The following EYS variants were observed in gnomAD, a reference collection of about 807,000 sequenced individuals.
The protein encoded by EYS is EGF-like photoreceptor maintenance factor, also known as protein eyes shut homolog.
Under a neutral mutation model 282.1 loss-of-function variants are expected in EYS, and 250 were observed. That is an observed-to-expected ratio of 0.89 (90% CI 0.80 to 0.98). EYS has a LOEUF of 0.98. Among genes scored for constraint, EYS ranks in the 50% least tolerant of loss-of-function variants. The pLI, the probability that EYS is intolerant of heterozygous loss-of-function variation, is 0.00. For synonymous variants in EYS, 1,355 were observed against 1,282.9 expected, an observed-to-expected ratio of 1.06 and a Z score of -1.20; for missense variants, 4,016 against 3,709.0, an observed-to-expected ratio of 1.08 and a Z score of -2.15.
At chr6:65,026,485 G>A (rs1772411521) in intron 13 of EYS, among the ~76,000 whole-genome samples, 1 of 152,190 alleles carries the variant, frequency 6.6e-6, no homozygotes, top group African/African-American at 2.4e-5. Flanking sequence ...AGGCATTTAT[G>A]CACAGATGAA....
At position 64,067,226 on chromosome 6, in the gene EYS, T is replaced by TTG. The variant is rs1156609059; in HGVS notation, c.6572-736_6572-735insCA. On this transcript the variant is annotated intron_variant, in intron 32 of 42. Transcript: ENST00000503581. ...CCCTGGAAGCCCATGGATCTCTCTTTTTAACTTTCCTAATTGAAGTATAAC... is the reference window on the plus strand; with the variant it reads ...CCCTGGAAGCCCATGGATCTCTCTTTTGTTAACTTTCCTAATTGAAGTATAAC... 3.3e-5 allele frequency among the ~76,000 whole-genome samples: 5 copies of TTG among 152,278 alleles called. No homozygotes were observed. The East Asian group carries it at 9.6e-4, about 29-fold the overall frequency.
intron 1 of EYS, among the ~76,000 whole-genome samples, chr6:65,706,811 A>C (rs912790698): frequency 5.9e-5 from 9 of 152,182 alleles, no homozygotes; most frequent in African/African-American, 1.9e-4. Context: ...TCAAAAATCG[A>C]AAGCAATCAT....
At chr6:65,223,211 C>CA (rs1562032300) in intron 12 of EYS, among the ~76,000 whole-genome samples, 1 of 151,892 alleles carries the variant, frequency 6.6e-6, no homozygotes, top group Non-Finnish European at 1.5e-5. Flanking sequence ...CTACTAAACA[C>CA]AAAAAATTAG....
intron 5 of EYS, among the ~76,000 whole-genome samples, chr6:65,474,197 T>C (rs1255159791): frequency 6.6e-6 from 1 of 152,050 alleles, no homozygotes; most frequent in Non-Finnish European, 1.5e-5. Context: ...TTGAATAATA[T>C]GTGTAAAGCA....
chr6:63,900,592 A>G (rs1340618923), intron 35 of EYS, among the ~76,000 whole-genome samples: 24 of 152,170 alleles, frequency 1.6e-4, no homozygotes, highest in Non-Finnish European at 1.5e-5. Context: ...GGTGTAGAGG[A>G]GATATCAGAG....
At chr6:64,424,855 A>C (rs1342303876) in intron 28 of EYS, among the ~76,000 whole-genome samples, 1 of 152,208 alleles carries the variant, frequency 6.6e-6, no homozygotes, top group Non-Finnish European at 1.5e-5. Flanking sequence ...ATATAAAATG[A>C]AAGTAGGTGC....
chr6:65,111,701 G>T (rs930829361), intron 12 of EYS, among the ~76,000 whole-genome samples: 3 of 152,014 alleles, frequency 2.0e-5, no homozygotes, highest in Non-Finnish European at 2.9e-5. Flanking sequence ...TACAAAAATA[G>T]CCAGGAGTGG....
intron 33 of EYS, among the ~76,000 whole-genome samples, chr6:64,037,598 G>A (rs934797652): frequency 1.3e-5 from 2 of 152,118 alleles, no homozygotes; most frequent in African/African-American, 4.8e-5. Context: ...AGGGAATGAG[G>A]TTTTGAATAA....
At chr6:64,199,426 A>T (rs1375280748) in intron 31 of EYS, among the ~76,000 whole-genome samples, 1 of 152,104 alleles carries the variant, frequency 6.6e-6, no homozygotes, top group Non-Finnish European at 1.5e-5. Context: ...TTATACAAAA[A>T]TTAAAATGGA....
intron 2 of EYS, among the ~76,000 whole-genome samples, chr6:65,605,590 T>C (rs181129415): frequency 5.3e-5 from 8 of 152,048 alleles, no homozygotes; most frequent in Non-Finnish European, 1.0e-4. Context: ...GATGCAAAGA[T>C]ATATATCCAT....
At chr6:65,311,537 T>A (rs1231485310) in intron 11 of EYS, among the ~76,000 whole-genome samples, 4 of 152,214 alleles carry the variant, frequency 2.6e-5, no homozygotes, top group Non-Finnish European at 5.9e-5. Context: ...TCCTTTTCAT[T>A]AGTTAAAAGT....
At position 65,216,129 on chromosome 6, in the gene EYS, T is replaced by G. The variant is rs930795215; in HGVS notation, c.2023+79734A>C. Among the ~76,000 whole-genome samples, 7 of 152,274 alleles carry G rather than the reference T, an allele frequency of 4.6e-5. 1 individual carries two copies. Among genetic ancestry groups the G allele is most frequent in the Admixed American group, 4.6e-4 (7 of 15,282 alleles). On this transcript the variant is annotated intron_variant, in intron 12 of 42. Transcript: ENST00000503581. ...TTTTCATATAAATTGTAAATAAATG[T>G]GGCAAATGTTCACAGTTCTTAAATT...
At chr6:65,389,358 G>A (rs982932826) in intron 7 of EYS, among the ~76,000 whole-genome samples, 19 of 152,098 alleles carry the variant, frequency 1.2e-4, no homozygotes, top group African/African-American at 4.1e-4. Flanking sequence ...GCCTGAATAG[G>A]CCAAGGATTT....
intron 37 of EYS, among the ~76,000 whole-genome samples, chr6:63,805,132 TGAGA>T (rs1770872571): frequency 6.6e-6 from 1 of 152,168 alleles, no homozygotes. Context: ...CACTGACAGC[TGAGA>T]GAAAGGTCTT....
At chr6:65,554,296 G>A (rs1768710213) in intron 2 of EYS, among the ~76,000 whole-genome samples, 2 of 152,060 alleles carry the variant, frequency 1.3e-5, no homozygotes, top group African/African-American at 4.8e-5. Flanking sequence ...CGCATGATAT[G>A]TTCTAACACC....
intron 30 of EYS, among the ~76,000 whole-genome samples, chr6:64,247,827 A>C (rs1767066843): frequency 6.6e-6 from 1 of 152,224 alleles, no homozygotes; most frequent in African/African-American, 2.4e-5. Flanking sequence ...CAGGGTCTCA[A>C]GGTAAATATT....
chr6:64,209,704 T>C (rs778853370), intron 31 of EYS, among the ~76,000 whole-genome samples: 27 of 152,180 alleles, frequency 1.8e-4, no homozygotes, highest in Non-Finnish European at 3.4e-4. Flanking sequence ...GAACAGCTCT[T>C]GTTCTTAAAT....
At chr6:63,848,947 C>CT (rs1193580409) in intron 36 of EYS, among the ~76,000 whole-genome samples, 1 of 152,206 alleles carries the variant, frequency 6.6e-6, no homozygotes, top group African/African-American at 2.4e-5. Flanking sequence ...GAAATTCTTG[C>CT]TGCCAGCACA....
At chr6:64,133,826 T>C (rs1020887773) in intron 31 of EYS, among the ~76,000 whole-genome samples, 1 of 152,052 alleles carries the variant, frequency 6.6e-6, no homozygotes, top group African/African-American at 2.4e-5. Flanking sequence ...CCTATTTTCC[T>C]GGATTCCATA....
Sources: gnomAD v4.1 joint callset for allele counts (sites outside exome capture counted in the v4.1 genomes callset) on GRCh38, gnomAD v4.1.1 for gene constraint, MANE v1.5 for transcripts, NCBI Gene and HGNC (gene_info 2026-07-23, HGNC 2026-07-21) for gene names.